The following TMEM198 variants were observed in gnomAD, a reference collection of about 807,000 sequenced individuals.
The protein encoded by TMEM198 is transmembrane protein 198.
Under a neutral mutation model 31.5 loss-of-function variants are expected in TMEM198, and 21 were observed. The ratio of observed to expected loss-of-function variants is 0.67; its 90% CI spans 0.47 to 0.96. The LOEUF is 0.96. TMEM198 is among the 40% of genes least tolerant of loss of function. The pLI, the probability that TMEM198 is intolerant of heterozygous loss-of-function variation, is 0.00. For missense variants in TMEM198, 447 were observed against 499.4 expected (o/e 0.89, Z 1.00); for synonymous variants, 211 against 223.3 (o/e 0.95, Z 0.49).
chr2:219,547,961 G>C lies in TMEM198; in HGVS notation c.622G>C (p.Ala208Pro). Reference protein sequence around the residue: ...GRYVVERLRAAPVPPLCWRSW... With the variant: ...GRYVVERLRAPPVPPLCWRSW... ...CTACGTGGTGGAGCGACTCCGGGCT[G>C]CTCCTGTGCCCCCACTCTGCTGGCG... Residue 208 changes from alanine to proline, a missense_variant, in exon 3 of 5, where the codon GCT (alanine) becomes CCT (proline). Ala to Pro is a conservative substitution (Grantham distance 27, BLOSUM62 -1). Coordinates refer to ENST00000373883, the MANE Select transcript of TMEM198 (RefSeq NM_001005209.3). The C allele has an allele frequency of 6.3e-7, 1 of 1,589,742 alleles. No homozygotes were observed. Among genetic ancestry groups the C allele is most frequent in the Non-Finnish European group, 8.5e-7 (1 of 1,173,528 alleles).
At position 219,548,083 on chromosome 2, in the gene TMEM198, T is replaced by G. The variant is rs753757966; in HGVS notation, c.742+2T>G. On this transcript the variant is annotated splice_donor_variant, in intron 3 of 4. Coordinates refer to ENST00000373883, the MANE Select transcript of TMEM198 (RefSeq NM_001005209.3). LOFTEE classifies it high-confidence loss of function. ...CTGAGGGGGACTCCCACACGGAAGGTAAGGGGGCACAGGCCAAGGTGGACA... is the reference window on the plus strand; with the variant it reads ...CTGAGGGGGACTCCCACACGGAAGGGAAGGGGGCACAGGCCAAGGTGGACA... 6.5e-7 allele frequency: 1 copy of G among 1,541,448 alleles called. No homozygotes were observed. Among genetic ancestry groups the G allele is most frequent in the African/African-American group, 1.3e-5 (1 of 74,100 alleles).
At position 219,544,706 on chromosome 2, in the gene TMEM198, A is replaced by C; in HGVS notation, c.-22A>C. The C allele has an allele frequency of 6.2e-7, 1 of 1,605,098 alleles. No homozygotes were observed. Among genetic ancestry groups the C allele is most frequent in the South Asian group, 1.1e-5 (1 of 90,928 alleles). On this transcript the variant is annotated 5_prime_UTR_variant, in exon 2 of 5. The change abolishes the stop of an existing upstream ORF in the 5' untranslated region. Transcript: ENST00000373883. ...TCTGTCAGGTTAACTTGGGAGGGTG[A>C]CTCCCTTCTATTCCCAGCACTATGC...
chr2:219,549,461 T>C, intron 4 of TMEM198, 107 bp downstream of exon 4: 4 of 1,390,534 alleles, frequency 2.9e-6, no homozygotes, highest in Non-Finnish European at 2.9e-6. Flanking sequence ...GAAGGCCTGT[T>C]TGTCCATGAA....
Position 219,547,399 on chromosome 2 carries a change from CTT to C in TMEM198, c.167-105_167-104del. On this transcript the variant is annotated intron_variant, in intron 2 of 4. Coordinates refer to ENST00000373883, the MANE Select transcript of TMEM198 (RefSeq NM_001005209.3). ...ACCCTCAATTCTCTGATCTTAGTGT[CTT>C]TGTCTCTGGTTCCCCTGGGATCCCA... is the stretch of plus-strand genomic sequence containing the variant. 5 of 910,282 alleles carry C rather than the reference CTT, an allele frequency of 5.5e-6. No individual in the cohort carries two copies. In the South Asian group the frequency reaches 1.5e-4, roughly 27 times the overall value. The allele number at this position is 910,282 out of a possible 1,614,324, so 56.4% of individuals were successfully genotyped here. A position where few individuals can be genotyped will look rare whatever the true frequency, so the allele number is the denominator to read the frequency against.
At chr2:219,549,060 G>A (rs771650454) in intron 3 of TMEM198, 92 bp from the exon 4 acceptor site, 1 of 1,431,074 alleles carries the variant, frequency 7.0e-7, no homozygotes, top group Non-Finnish European at 9.7e-7. Flanking sequence ...GAATCTGGAA[G>A]CCTAGAGCCA....
Position 219,547,996 on chromosome 2 carries a change from C to T in TMEM198, c.657C>T (p.Ala219=). ...CCCCACTCTGCTGGCGAAGCTGGGC[C>T]CTGCTGGCACTCTGGCCCCTGCTCA... ...PVPPLCWRSW[A]LLALWPLLSL... is the part of the protein sequence containing the mutation. Residue 219 remains alanine (A), a synonymous_variant, in exon 3 of 5, where the codon GCC becomes GCT. Coordinates refer to ENST00000373883, the MANE Select transcript of TMEM198 (RefSeq NM_001005209.3). The T allele has an allele frequency of 6.3e-7, 1 of 1,587,866 alleles. No individual in the cohort carries two copies. Among genetic ancestry groups the T allele is most frequent in the East Asian group, 2.3e-5 (1 of 44,050 alleles).
chr2:219,549,489 G>A (rs1467724733), intron 4 of TMEM198, 135 bp downstream of exon 4: 4 of 1,278,842 alleles, frequency 3.1e-6, no homozygotes, highest in Admixed American at 2.7e-5. Context: ...TCCATGCATC[G>A]GAGCCCATGC....
At position 219,549,983 on chromosome 2, in the gene TMEM198, A is replaced by T; in HGVS notation, c.*129A>T. 8.0e-7 allele frequency: 1 copy of T among 1,257,160 alleles called. No individual in the cohort carries two copies. Among genetic ancestry groups the T allele is most frequent in the Non-Finnish European group, 1.1e-6 (1 of 915,056 alleles). The allele number at this position is 1,257,160 out of a possible 1,614,324, so 77.9% of individuals were successfully genotyped here. A position where few individuals can be genotyped will look rare whatever the true frequency, so the allele number is the denominator to read the frequency against. On this transcript the variant is annotated 3_prime_UTR_variant, in exon 5 of 5. Coordinates refer to ENST00000373883, the MANE Select transcript of TMEM198 (RefSeq NM_001005209.3). ...CCTGGAGAGGGCTGGCCTGGTCACT[A>T]GAAGGGAGGATTGTCTCAGGCGAGT... is the stretch of plus-strand genomic sequence containing the variant.
Position 219,549,794 on chromosome 2 carries a change from CTA to C in TMEM198, c.1025_1026del (p.Tyr342Ter), listed in dbSNP as rs1261935812. ...SFMASPTDAD[Y>X]EYGSRGPLTA... is the part of the protein sequence containing the mutation. ...TCATGGCCTCACCCACAGATGCGGACTATGAGTATGGGTCCCGGGGACCTCTG... is the reference window on the plus strand; with the variant it reads ...TCATGGCCTCACCCACAGATGCGGACTGAGTATGGGTCCCGGGGACCTCTG... On this transcript the variant is annotated frameshift_variant, in exon 5 of 5. Coordinates refer to ENST00000373883, the MANE Select transcript of TMEM198 (RefSeq NM_001005209.3). LOFTEE classifies it high-confidence loss of function. The C allele has an allele frequency of 6.2e-7, 1 of 1,614,134 alleles. No homozygotes were observed.
intron 2 of TMEM198, 47 bp downstream of exon 2, chr2:219,544,940 C>G (rs759232996): frequency 6.3e-7 from 1 of 1,596,784 alleles, no homozygotes; most frequent in Non-Finnish European, 8.6e-7. Flanking sequence ...AGTGTTTCCC[C>G]GAGTTCTTTT....
In TMEM198 at chr2:219,544,679, CCTCT is replaced by C. The variant is rs779107671; in HGVS notation, c.-39-9_-39-6del. On this transcript the variant is annotated splice_polypyrimidine_tract_variant and splice_region_variant and intron_variant, in intron 1 of 4. Coordinates refer to ENST00000373883, the MANE Select transcript of TMEM198 (RefSeq NM_001005209.3). ...GGACTCCTCCGTGACCCCAACTTTC[CCTCT>C]GTCAGGTTAACTTGGGAGGGTGACT... 6.3e-5 allele frequency: 100 copies of C among 1,597,380 alleles called. No individual in the cohort carries two copies. The highest frequency in any genetic ancestry group is 1.7e-6 in the Non-Finnish European group (2 of 1,170,050).
At chr2:219,549,093 G>A (rs1224043370) in intron 3 of TMEM198, 59 bp from the exon 4 acceptor site, 1 of 1,596,268 alleles carries the variant, frequency 6.3e-7, no homozygotes, top group South Asian at 1.1e-5. Flanking sequence ...GAGAGGGAGG[G>A]CTCAAGGGAA....
intron 4 of TMEM198, 132 bp downstream of exon 4, chr2:219,549,486 A>G (rs2105998230): frequency 4.7e-6 from 6 of 1,284,104 alleles, no homozygotes; most frequent in Admixed American, 2.7e-5. Context: ...TTGTCCATGC[A>G]TCGGAGCCCA....
rs1695340685 is a variant in TMEM198 at position 219,544,103 on chromosome 2, G to C, written c.-314G>C. ...GCTCAGGGCATGGGGCCGCGGTTCT[G>C]GGGCGGCCCGAGCCCCGGCTCCTGC... On this transcript the variant is annotated 5_prime_UTR_variant, in exon 1 of 5. Coordinates refer to ENST00000373883, the MANE Select transcript of TMEM198 (RefSeq NM_001005209.3). 1 of 447,596 alleles carries C rather than the reference G, an allele frequency of 2.2e-6. No individual in the cohort carries two copies. Among genetic ancestry groups the C allele is most frequent in the African/African-American group, 2.0e-5 (1 of 49,746 alleles). The allele number at this position is 447,596 out of a possible 1,614,324, so 27.7% of individuals were successfully genotyped here.
intron 1 of TMEM198, 55 bp from the exon 2 acceptor site, chr2:219,544,634 C>G (rs937447247): frequency 1.8e-5 from 27 of 1,470,190 alleles, no homozygotes; most frequent in Non-Finnish European, 2.3e-5. Context: ...CTCTCCCACC[C>G]CCATCCTGGT....
At chr2:219,544,632 C>T in intron 1 of TMEM198, 57 bp from the exon 2 acceptor site, 1 of 1,456,620 alleles carries the variant, frequency 6.9e-7, no homozygotes, top group Non-Finnish European at 9.4e-7. Context: ...CCCTCTCCCA[C>T]CCCCATCCTG....
chr2:219,549,385 G>A (rs772145426), intron 4 of TMEM198, 31 bp downstream of exon 4: 1 of 1,593,500 alleles, frequency 6.3e-7, no homozygotes, highest in East Asian at 2.2e-5. Context: ...CAGCCAGAAT[G>A]AGAAGGAAGT....
chr2:219,544,766 G>A lies in TMEM198; in HGVS notation c.39G>A (p.Leu13=), dbSNP rs1695356578. 1.2e-6 allele frequency: 2 copies of A among 1,614,164 alleles called. No individual in the cohort carries two copies. Among genetic ancestry groups the A allele is most frequent in the Admixed American group, 1.7e-5 (1 of 60,034 alleles). The change falls in exon 2 of 5, where the codon CTG becomes CTA. Residue 13 remains leucine, a synonymous_variant. Transcript: ENST00000373883. Reference sequence around the variant, plus strand: ...TGGCAACACTGCGGTTCCAGCTGCTGCCCCCTGAGCCAGATGATGCCTTCT... The same window carrying A: ...TGGCAACACTGCGGTTCCAGCTGCTACCCCCTGAGCCAGATGATGCCTTCT... ...GTVATLRFQL[L]PPEPDDAFWG...
intron 4 of TMEM198, 23 bp from the exon 5 acceptor site, chr2:219,549,694 C>A: frequency 6.2e-7 from 1 of 1,611,692 alleles, no homozygotes; most frequent in South Asian, 1.1e-5. Context: ...GTGGGACTCA[C>A]ACCTATGTTT....
Sources: gnomAD v4.1 joint callset for allele counts on GRCh38, gnomAD v4.1.1 for gene constraint, MANE v1.5 for transcripts, NCBI Gene and HGNC (gene_info 2026-07-23, HGNC 2026-07-21) for gene names.